Variants in DPYD observed in about 807,000 individuals in gnomAD.
DPYD encodes dihydropyrimidine dehydrogenase [NADP(+)].
DPYD carries 109 observed loss-of-function variants against 116.2 expected under a neutral mutation model. The observed-to-expected ratio is 0.94, with a 90% confidence interval of 0.80 to 1.10. The LOEUF is 1.10. Among genes scored for constraint, DPYD ranks in the 50% least tolerant of loss-of-function variants. The pLI is 0.00. For missense variants in DPYD, 1,302 were observed against 1,254.5 expected, an observed-to-expected ratio of 1.04 and a Z score of -0.57; for synonymous variants, 440 against 432.0, an observed-to-expected ratio of 1.02 and a Z score of -0.23.
intron 21 of DPYD, among the ~76,000 whole-genome samples, chr1:97,089,969 T>C (rs375224498): frequency 6.6e-6 from 1 of 152,092 alleles, no homozygotes. Flanking sequence ...CAAATGAAAT[T>C]CATAGCAGTT....
intron 5 of DPYD, among the ~76,000 whole-genome samples, chr1:97,717,952 T>C (rs999287506): frequency 1.3e-5 from 2 of 151,924 alleles, no homozygotes; most frequent in Non-Finnish European, 2.9e-5. Flanking sequence ...ATCTTTTTCA[T>C]ATAATGACTT....
chr1:97,096,925 T>A (rs112970484), intron 21 of DPYD, among the ~76,000 whole-genome samples: 1 of 152,134 alleles, frequency 6.6e-6, no homozygotes, highest in Non-Finnish European at 1.5e-5. Flanking sequence ...ACTGCGAAGG[T>A]CCACGGCTTC....
chr1:97,427,402 C>T (rs1417015040), intron 14 of DPYD, among the ~76,000 whole-genome samples: 1 of 152,008 alleles, frequency 6.6e-6, no homozygotes, highest in Non-Finnish European at 1.5e-5. Context: ...TCTATACCTT[C>T]AGCACATACA....
intron 8 of DPYD, among the ~76,000 whole-genome samples, chr1:97,662,243 C>A (rs897142670): frequency 9.9e-5 from 15 of 151,404 alleles, no homozygotes; most frequent in African/African-American, 3.6e-4. Context: ...ACCTCATGAT[C>A]CACCCGCCTC....
intron 16 of DPYD, among the ~76,000 whole-genome samples, chr1:97,339,286 A>C (rs1354574893): frequency 6.6e-6 from 1 of 152,188 alleles, no homozygotes; most frequent in Non-Finnish European, 1.5e-5. Context: ...AATTCTGTTG[A>C]AGAAAGGCTT....
chr1:97,701,228 A>G (rs888453555), intron 5 of DPYD, among the ~76,000 whole-genome samples: 1 of 148,592 alleles, frequency 6.7e-6, no homozygotes, highest in African/African-American at 2.4e-5. Context: ...ATATATACCA[A>G]TATTAGAAAT....
intron 18 of DPYD, among the ~76,000 whole-genome samples, chr1:97,287,067 T>C (rs935801985): frequency 3.3e-5 from 5 of 152,194 alleles, no homozygotes; most frequent in Admixed American, 1.3e-4. Flanking sequence ...TTATCTACTT[T>C]TGGTCTTTGA....
rs71071637 is a variant in DPYD, at chr1:97,195,634, GTATATATATA to G, written c.2443-2396_2443-2387del. Among the ~76,000 whole-genome samples, 499 of 57,662 alleles carry G rather than the reference GTATATATATA, an allele frequency of 8.7e-3. 26 individuals carry two copies. The highest frequency in any genetic ancestry group is 0.03 in the East Asian group (48 of 1,576). 37.8% of individuals were successfully genotyped at this position (57,662 alleles called of 152,430 possible). A position where few individuals can be genotyped will look rare whatever the true frequency, so the allele number is the denominator to read the frequency against. On this transcript the variant is annotated intron_variant, in intron 19 of 22. Coordinates refer to ENST00000370192, the MANE Select transcript of DPYD (RefSeq NM_000110.4). The stretch of plus-strand genomic sequence containing the variant: ...TATATATGTATGTGTATATGTATGT[GTATATATATA>G]TATATATATATATATATATATATAT...
rs200059529 is a variant in DPYD, at chr1:97,740,515, G to C, written c.234-36C>G. 55 of 1,524,000 alleles carry C rather than the reference G, an allele frequency of 3.6e-5. No homozygotes were observed. In the African/African-American group the frequency reaches 7.5e-4, roughly 21 times the overall value. 94.4% of individuals were successfully genotyped at this position (1,524,000 alleles called of 1,614,324 possible). A position where few individuals can be genotyped will look rare whatever the true frequency, so the allele number is the denominator to read the frequency against. On this transcript the variant is annotated intron_variant, in intron 3 of 22. Coordinates refer to ENST00000370192, the MANE Select transcript of DPYD (RefSeq NM_000110.4). ...AAATAACTATGTTAAGAAACTACAAGATAAGTGAGATAATCTATTTTCTAC... is the reference window on the plus strand; with the variant it reads ...AAATAACTATGTTAAGAAACTACAACATAAGTGAGATAATCTATTTTCTAC...
At chr1:97,120,171 A>G (rs1033386687) in intron 20 of DPYD, among the ~76,000 whole-genome samples, 2 of 152,174 alleles carry the variant, frequency 1.3e-5, no homozygotes, top group Non-Finnish European at 2.9e-5. Flanking sequence ...CCCTTTCTTC[A>G]TATAAGTTTG....
At chr1:97,169,202 A>T (rs1003335412) in intron 20 of DPYD, among the ~76,000 whole-genome samples, 1 of 152,178 alleles carries the variant, frequency 6.6e-6, no homozygotes, top group Non-Finnish European at 1.5e-5. Flanking sequence ...TCTTGGTGAA[A>T]TATTAATAGT....
chr1:97,231,463 CA>C (rs1480797600), intron 19 of DPYD, among the ~76,000 whole-genome samples: 4 of 152,110 alleles, frequency 2.6e-5, no homozygotes, highest in Non-Finnish European at 4.4e-5. Flanking sequence ...AAATGGTGAG[CA>C]AAGTCTCGTC....
At chr1:97,240,726 T>C (rs574279564) in intron 18 of DPYD, among the ~76,000 whole-genome samples, 1 of 152,054 alleles carries the variant, frequency 6.6e-6, no homozygotes, top group East Asian at 1.9e-4. Context: ...AGAAAAAAAA[T>C]TAGTAAATCA....
chr1:97,886,901 A>T (rs1672520681), intron 1 of DPYD, among the ~76,000 whole-genome samples: 1 of 152,018 alleles, frequency 6.6e-6, no homozygotes, highest in South Asian at 2.1e-4. Flanking sequence ...GACTCACCTC[A>T]AAAACTACCA....
chr1:97,562,374 C>T (rs184028823), intron 11 of DPYD, among the ~76,000 whole-genome samples: 420 of 152,258 alleles, frequency 2.8e-3, no homozygotes, highest in Non-Finnish European at 4.2e-3. Flanking sequence ...CTTGGAAAAT[C>T]ACTGGATATT....
intron 14 of DPYD, among the ~76,000 whole-genome samples, chr1:97,386,088 C>G (rs1206977957): frequency 1.3e-5 from 2 of 152,036 alleles, no homozygotes; most frequent in East Asian, 3.9e-4. Flanking sequence ...GGGAGAGATA[C>G]ATTATGGTAA....
chr1:97,228,854 G>A (rs1405053222), intron 19 of DPYD, among the ~76,000 whole-genome samples: 1 of 152,042 alleles, frequency 6.6e-6, no homozygotes, highest in Non-Finnish European at 1.5e-5. Context: ...ATGATCAAGA[G>A]GCTAAGGGCT....
chr1:97,850,650 C>A (rs977918477), intron 2 of DPYD, among the ~76,000 whole-genome samples: 10 of 152,004 alleles, frequency 6.6e-5, no homozygotes, highest in African/African-American at 2.2e-4. Flanking sequence ...GGGTGCTGTG[C>A]AATCATGACA....
intron 2 of DPYD, among the ~76,000 whole-genome samples, chr1:97,873,813 T>C (rs1259049413): frequency 6.6e-6 from 1 of 151,998 alleles, no homozygotes; most frequent in Non-Finnish European, 1.5e-5. Context: ...TCAATTGTTA[T>C]TTATTGCATA....
Sources: allele counts gnomAD v4.1 joint callset (sites outside exome capture counted in the v4.1 genomes callset), GRCh38; gene constraint gnomAD v4.1.1; transcripts MANE v1.5; gene names NCBI Gene and HGNC (gene_info 2026-07-23, HGNC 2026-07-21).